The following LARGE1 variants were observed in gnomAD, a reference collection of about 807,000 sequenced individuals.
The protein encoded by LARGE1 is xylosyl- and glucuronyltransferase LARGE1.
LARGE1 carries 43 observed loss-of-function variants against 87.6 expected under a neutral mutation model. The ratio of observed to expected loss-of-function variants is 0.49; its 90% CI spans 0.38 to 0.63. The LOEUF (loss-of-function observed/expected upper bound fraction) is 0.63, where lower values mean the gene tolerates loss of function less well. Among genes scored for constraint, LARGE1 ranks in the 30% least tolerant of loss-of-function variants. The pLI is 0.00. For synonymous variants in LARGE1, 434 were observed against 394.6 expected (o/e 1.10, Z -1.18); for missense variants, 802 against 1,000.2 (o/e 0.80, Z 2.67).
At chr22:33,797,747 CTGA>C (rs1379424829) in intron 1 of LARGE1, among the ~76,000 whole-genome samples, 2 of 152,226 alleles carry the variant, frequency 1.3e-5, no homozygotes, top group African/African-American at 2.4e-5. Flanking sequence ...GGCATCCTAA[CTGA>C]TACAGGCACT....
At chr22:33,304,088 T>C in intron 12 of LARGE1, 141 bp downstream of exon 12, 2 of 926,470 alleles carry the variant, frequency 2.2e-6, no homozygotes, top group Admixed American at 2.2e-5. Context: ...GGCAGGTCCC[T>C]TCCCCTTTCT....
intron 11 of LARGE1, among the ~76,000 whole-genome samples, chr22:33,221,955 A>G (rs2145626157): frequency 6.6e-6 from 1 of 152,296 alleles, no homozygotes; most frequent in East Asian, 1.9e-4. Context: ...GCTACATATC[A>G]ACTAAACATT....
intron 6 of LARGE1, among the ~76,000 whole-genome samples, chr22:33,544,363 C>A (rs1002135570): frequency 6.6e-6 from 1 of 152,132 alleles, no homozygotes; most frequent in Admixed American, 6.5e-5. Flanking sequence ...TCCAGCTTTG[C>A]CTCATCACAG....
intron 12 of LARGE1, among the ~76,000 whole-genome samples, chr22:33,304,018 T>G (rs1304719437): frequency 6.6e-6 from 1 of 152,254 alleles, no homozygotes; most frequent in Non-Finnish European, 1.5e-5. Flanking sequence ...CATCAACATT[T>G]CCTTCTGCAA....
chr22:33,841,382 C>T (rs1479413041), intron 1 of LARGE1, among the ~76,000 whole-genome samples: 1 of 152,128 alleles, frequency 6.6e-6, no homozygotes, highest in African/African-American at 2.4e-5. Flanking sequence ...GTGAATCTAC[C>T]CTGTGGCAAG....
chr22:33,272,985 C>A lies in LARGE1; in HGVS notation c.*1442G>T, dbSNP rs535711403. 20 of 158,906 alleles carry A rather than the reference C, an allele frequency of 1.3e-4. No homozygotes were observed. The highest frequency in any genetic ancestry group is 4.5e-4 in the African/African-American group (19 of 41,830). The allele number at this position is 158,906 out of a possible 1,614,324, so 9.8% of individuals were successfully genotyped here. A position where few individuals can be genotyped will look rare whatever the true frequency, so the allele number is the denominator to read the frequency against. ...TGATGAGAAAAATAGAATGGGGGAA[C>A]AGAAAGTGTGAAGTTGCTGTTTATC... is the stretch of plus-strand genomic sequence containing the variant. On this transcript the variant is annotated 3_prime_UTR_variant, in exon 15 of 15. Coordinates refer to ENST00000397394, the MANE Select transcript of LARGE1 (RefSeq NM_133642.5).
chr22:33,532,829 G>C (rs188571251), intron 6 of LARGE1, among the ~76,000 whole-genome samples: 2 of 152,246 alleles, frequency 1.3e-5, no homozygotes, highest in East Asian at 3.9e-4. Context: ...AGTGTTAGGC[G>C]CAACGGCCCT....
chr22:33,716,346 T>A (rs2082907131), intron 2 of LARGE1, among the ~76,000 whole-genome samples: 1 of 152,220 alleles, frequency 6.6e-6, no homozygotes, highest in African/African-American at 2.4e-5. Context: ...ATATGGCAAC[T>A]CTACTTCATC....
intron 5 of LARGE1, among the ~76,000 whole-genome samples, chr22:33,581,880 A>G (rs2078531503): frequency 6.6e-6 from 1 of 152,024 alleles, no homozygotes; most frequent in Non-Finnish European, 1.5e-5. Flanking sequence ...TAATGAATGG[A>G]CATCACCATG....
Position 33,274,460 on chromosome 22 carries a change from G to C in LARGE1, c.2238C>G (p.Ala746=). The change falls in exon 15 of 15, where the codon GCC becomes GCG. Residue 746 remains alanine, a synonymous_variant. Transcript: ENST00000397394. ...TGTTCTCGGCTGTGAGATATTTCAGGGCAGCAAAGCCGTAGCGGCGGGACA... is the reference window on the plus strand; with the variant it reads ...TGTTCTCGGCTGTGAGATATTTCAGCGCAGCAAAGCCGTAGCGGCGGGACA... The part of the protein sequence containing the change: ...QDMSRRYGFA[A]LKYLTAENNS The C allele has an allele frequency of 6.2e-7, 1 of 1,614,202 alleles. No homozygotes were observed. Among genetic ancestry groups the C allele is most frequent in the South Asian group, 1.1e-5 (1 of 91,076 alleles).
At chr22:33,397,640 TTC>T (rs2065794577) in intron 7 of LARGE1, among the ~76,000 whole-genome samples, 2 of 152,236 alleles carry the variant, frequency 1.3e-5, no homozygotes, top group African/African-American at 4.8e-5. Flanking sequence ...GTAATAAACA[TTC>T]TTGAACATGT....
chr22:33,399,782 T>C lies in LARGE1; in HGVS notation c.893-15478A>G, dbSNP rs5994731. 8.8e-3 allele frequency among the ~76,000 whole-genome samples: 1,342 copies of C among 152,224 alleles called. 19 individuals are homozygous for C. The highest frequency in any genetic ancestry group is 0.031 in the African/African-American group (1,270 of 41,542). ...CCAGGATGGTCTCGATCTCCTGACC[T>C]CGTGATCTGCCCGCCTCGGCCTCCC... is the stretch of plus-strand genomic sequence containing the variant. On this transcript the variant is annotated intron_variant, in intron 7 of 14. Coordinates refer to ENST00000397394, the MANE Select transcript of LARGE1 (RefSeq NM_133642.5).
chr22:33,697,734 T>C (rs2082294919), intron 2 of LARGE1, among the ~76,000 whole-genome samples: 1 of 152,154 alleles, frequency 6.6e-6, no homozygotes, highest in Admixed American at 6.5e-5. Context: ...AACAATGTTC[T>C]TCAAAGAAGA....
intron 5 of LARGE1, among the ~76,000 whole-genome samples, chr22:33,570,916 C>T (rs1330915630): frequency 6.6e-6 from 1 of 152,060 alleles, no homozygotes; most frequent in African/African-American, 2.4e-5. Context: ...CCCTCGAAGG[C>T]AGGCTGAGGA....
In LARGE1 at chr22:33,343,163, G is replaced by A. The variant is rs186995489; in HGVS notation, c.1132-5362C>T. On this transcript the variant is annotated intron_variant, in intron 9 of 14. Coordinates refer to ENST00000397394, the MANE Select transcript of LARGE1 (RefSeq NM_133642.5). The stretch of plus-strand genomic sequence containing the variant: ...TTGTTTTAGAGACAGGGTCTATGCT[G>A]TATCACCCAGGCTGGAGTACAGTGG... 2.0e-5 allele frequency among the ~76,000 whole-genome samples: 3 copies of A among 152,182 alleles called. No homozygotes were observed. In the South Asian group the frequency reaches 6.2e-4, roughly 32 times the overall value.
intron 5 of LARGE1, among the ~76,000 whole-genome samples, chr22:33,600,253 T>C (rs2079079268): frequency 6.6e-6 from 1 of 152,248 alleles, no homozygotes; most frequent in Admixed American, 6.5e-5. Flanking sequence ...TTAGCAAGCA[T>C]CTTTATGAGT....
intron 1 of LARGE1, among the ~76,000 whole-genome samples, chr22:33,826,230 C>G (rs2062778913): frequency 6.6e-6 from 1 of 152,154 alleles, no homozygotes; most frequent in Non-Finnish European, 1.5e-5. Context: ...TATTACTCGA[C>G]TCTTGCAGCT....
intron 1 of LARGE1, among the ~76,000 whole-genome samples, chr22:33,825,093 G>A (rs1335158577): frequency 1.3e-5 from 2 of 152,164 alleles, no homozygotes; most frequent in Non-Finnish European, 1.5e-5. Flanking sequence ...ATCAGTCGAT[G>A]AGCAACTTAA....
intron 5 of LARGE1, among the ~76,000 whole-genome samples, chr22:33,566,712 G>C: frequency 6.6e-6 from 1 of 152,052 alleles, no homozygotes; most frequent in South Asian, 2.1e-4. Flanking sequence ...CCTGCTGATT[G>C]GTCCATTTTA....
Sources: gnomAD v4.1 joint callset for allele counts (sites outside exome capture counted in the v4.1 genomes callset) on GRCh38, gnomAD v4.1.1 for gene constraint, MANE v1.5 for transcripts, NCBI Gene and HGNC (gene_info 2026-07-23, HGNC 2026-07-21) for gene names.